KIF13A: variants seen among roughly 807,000 people sequenced by gnomAD.
The protein encoded by KIF13A is kinesin-like protein KIF13A.
KIF13A carries 79 observed loss-of-function variants against 212.2 expected under a neutral mutation model. The ratio of observed to expected loss-of-function variants is 0.37; its 90% CI spans 0.31 to 0.45. The LOEUF (loss-of-function observed/expected upper bound fraction) is 0.45, where lower values mean the gene tolerates loss of function less well. Ranked by LOEUF, KIF13A falls within the 20% of genes least tolerant of loss-of-function variation. The pLI, the probability that KIF13A is intolerant of heterozygous loss-of-function variation, is 1.00. For synonymous variants in KIF13A, 789 were observed against 808.6 expected, an observed-to-expected ratio of 0.98 and a Z score of 0.41; for missense variants, 1,901 against 2,209.0, an observed-to-expected ratio of 0.86 and a Z score of 2.79.
At chr6:17,885,515 C>A (rs761805264) in intron 3 of KIF13A, among the ~76,000 whole-genome samples, 2 of 152,222 alleles carry the variant, frequency 1.3e-5, no homozygotes, top group Non-Finnish European at 2.9e-5. Flanking sequence ...GCATTTGCTG[C>A]ACATCTACAA....
At chr6:17,874,530 G>A (rs1770326895) in intron 3 of KIF13A, among the ~76,000 whole-genome samples, 1 of 152,014 alleles carries the variant, frequency 6.6e-6, no homozygotes, top group African/African-American at 2.4e-5. Context: ...CTGCCTCCCG[G>A]GCTCAAGTAA....
At position 17,780,806 on chromosome 6, in the gene KIF13A, G is replaced by C. The variant is rs61729950; in HGVS notation, c.3770C>G (p.Thr1257Arg). The C allele has an allele frequency of 6.3e-5, 102 of 1,613,962 alleles. No individual in the cohort carries two copies. The East Asian group carries it at 2.2e-3, about 34-fold the overall frequency. ...AGCAGCAGGGTGGCTGAGTTGAACT[G>C]TGGTTTTCACAATTAGGTAAATCCT... is the stretch of plus-strand genomic sequence containing the variant. ...NERIYLIVKT[T>R]VQLSHPAAME... The change falls in exon 31 of 39, where the codon ACA (threonine) becomes AGA (arginine). Residue 1257 changes from threonine (T) to arginine (R), a missense_variant. This residue lies in a region of KIF13A where 687 missense variants were observed against 759.1 expected (regional missense o/e 0.90). Transcript: ENST00000259711.
At chr6:17,797,165 G>C (rs1762110374) in intron 22 of KIF13A, among the ~76,000 whole-genome samples, 1 of 152,030 alleles carries the variant, frequency 6.6e-6, no homozygotes, top group African/African-American at 2.4e-5. Context: ...GAGTAGCTGG[G>C]ACTACAGGCA....
In KIF13A at chr6:17,771,269, C is replaced by T; in HGVS notation, c.4477-51G>A. The T allele has an allele frequency of 8.6e-7, 1 of 1,157,666 alleles. No individual in the cohort carries two copies. Among genetic ancestry groups the T allele is most frequent in the Non-Finnish European group, 1.3e-6 (1 of 780,000 alleles). The allele number at this position is 1,157,666 out of a possible 1,614,324, so 71.7% of individuals were successfully genotyped here. On this transcript the variant is annotated intron_variant, in intron 37 of 38. Coordinates refer to ENST00000259711, the MANE Select transcript of KIF13A (RefSeq NM_022113.6). This position sits in a 1 kb window ranked among gnomAD's most constrained non-coding sequence, Gnocchi z 5.4. The stretch of plus-strand genomic sequence containing the variant: ...CATCACACACAAAGACGACAACGGC[C>T]AAAATACATATTAAGTACATGCAAG...
intron 2 of KIF13A, among the ~76,000 whole-genome samples, chr6:17,908,256 A>T (rs1289610113): frequency 2.0e-5 from 3 of 152,172 alleles, no homozygotes; most frequent in African/African-American, 7.2e-5. Context: ...TGAATGAAGA[A>T]AAAAATGGCT....
chr6:17,836,052 T>A (rs571660139), intron 11 of KIF13A, among the ~76,000 whole-genome samples: 3 of 152,288 alleles, frequency 2.0e-5, no homozygotes, highest in Admixed American at 1.3e-4. Flanking sequence ...ATATTTCAAA[T>A]AAGACAGTGC....
downstream of KIF13A, chr6:17,760,577 CAA>C: frequency 5.7e-6 from 3 of 529,578 alleles, no homozygotes; most frequent in East Asian, 3.1e-5. Context: ...GTAGTAAGTG[CAA>C]AAAAAAATAC....
intron 2 of KIF13A, among the ~76,000 whole-genome samples, chr6:17,981,532 C>T (rs529661790): frequency 6.6e-6 from 1 of 151,302 alleles, no homozygotes; most frequent in African/African-American, 2.4e-5. Flanking sequence ...TCAAGCATTC[C>T]CCTGCCTCAG....
chr6:17,946,001 TA>T (rs1390424662), intron 2 of KIF13A, among the ~76,000 whole-genome samples: 1 of 151,988 alleles, frequency 6.6e-6, no homozygotes, highest in Non-Finnish European at 1.5e-5. Context: ...TCATACTGTT[TA>T]AAAAAATAAA....
rs528619944 is a variant in KIF13A at position 17,892,534 on chromosome 6, C to T, written c.159+5634G>A. On this transcript the variant is annotated intron_variant, in intron 3 of 38. Transcript: ENST00000259711. This position sits in a 1 kb window ranked among gnomAD's most constrained non-coding sequence, Gnocchi z 4.7. ...TGTCTTTTGTATGCTAATGAGATGA[C>T]TGGTGGCTGGGGTCCCCAGGTGGCT... 1.2e-4 allele frequency among the ~76,000 whole-genome samples: 19 copies of T among 152,298 alleles called. 1 individual carries two copies. The South Asian group carries it at 3.7e-3, about 30-fold the overall frequency.
intron 16 of KIF13A, among the ~76,000 whole-genome samples, chr6:17,819,979 C>T (rs545755948): frequency 6.6e-6 from 1 of 151,950 alleles, no homozygotes; most frequent in African/African-American, 2.4e-5. Flanking sequence ...GAAAACACAC[C>T]GTTTTATAAA....
chr6:17,864,857 G>C (rs1202777201), intron 4 of KIF13A, among the ~76,000 whole-genome samples: 4 of 152,148 alleles, frequency 2.6e-5, no homozygotes, highest in Non-Finnish European at 5.9e-5. Context: ...TCCCTACTTA[G>C]AACAGCAGCA....
intron 18 of KIF13A, among the ~76,000 whole-genome samples, chr6:17,807,361 G>A (rs1056045106): frequency 1.3e-5 from 2 of 152,008 alleles, no homozygotes; most frequent in Non-Finnish European, 2.9e-5. Context: ...ATGCATTGTG[G>A]GGGGAGGTCT....
rs757240864 is a variant in KIF13A, at chr6:17,987,186, G to A, written c.56-42C>T. 54 of 1,489,562 alleles carry A rather than the reference G, an allele frequency of 3.6e-5. No homozygotes were observed. The highest frequency in any genetic ancestry group is 4.6e-5 in the Non-Finnish European group (50 of 1,085,744). 92.3% of individuals were successfully genotyped at this position (1,489,562 alleles called of 1,614,324 possible). ...AGGGACGTTGCAAAGTCCAGCATCCGCGCCTCCAGCCCGCCCGCCCGCCAG... is the reference window on the plus strand; with the variant it reads ...AGGGACGTTGCAAAGTCCAGCATCCACGCCTCCAGCCCGCCCGCCCGCCAG... On this transcript the variant is annotated intron_variant, in intron 1 of 38. Transcript: ENST00000259711. The surrounding 1 kb of genome is among the most constrained non-coding windows in gnomAD (Gnocchi z 7.7).
At position 17,972,859 on chromosome 6, in the gene KIF13A, G is replaced by A. The variant is rs541539379; in HGVS notation, c.146+14195C>T. On this transcript the variant is annotated intron_variant, in intron 2 of 38. Transcript: ENST00000259711. Reference sequence around the variant, plus strand: ...AAAAAAAAAAAAAAAAAAAAACAAGGCTCCAAACTTTTTCCCCTAAGGGAA... The same window carrying A: ...AAAAAAAAAAAAAAAAAAAAACAAGACTCCAAACTTTTTCCCCTAAGGGAA... Among the ~76,000 whole-genome samples, 829 of 147,734 alleles carry A rather than the reference G, an allele frequency of 5.6e-3. 5 individuals are homozygous for A. The highest frequency in any genetic ancestry group is 0.019 in the African/African-American group (777 of 40,104).
chr6:17,764,950 T>C lies in KIF13A; in HGVS notation c.4582-4A>G, dbSNP rs769362133. 2.1e-5 allele frequency: 34 copies of C among 1,590,470 alleles called. No individual in the cohort carries two copies. Among genetic ancestry groups the C allele is most frequent in the African/African-American group, 5.4e-5 (4 of 74,202 alleles). Reference sequence around the variant, plus strand: ...CATTTTCTTCCTCCTCAGAGTCCTATAGAAGTGAAGCAAAAGTCAGTCATT... The same window carrying C: ...CATTTTCTTCCTCCTCAGAGTCCTACAGAAGTGAAGCAAAAGTCAGTCATT... On this transcript the variant is annotated splice_region_variant and splice_polypyrimidine_tract_variant and intron_variant, in intron 38 of 38. Coordinates refer to ENST00000259711, the MANE Select transcript of KIF13A (RefSeq NM_022113.6). This position sits in a 1 kb window ranked among gnomAD's most constrained non-coding sequence, Gnocchi z 5.1.
In KIF13A at chr6:17,796,661, G is replaced by A; in HGVS notation, c.2942+8C>T. On this transcript the variant is annotated splice_region_variant and intron_variant, in intron 23 of 38. Coordinates refer to ENST00000259711, the MANE Select transcript of KIF13A (RefSeq NM_022113.6). Reference sequence around the variant, plus strand: ...CCTTGTACCTAAAGCTCACAGCCAAGTACAAACCTGTCATGCAGTGTTCTT... The same window carrying A: ...CCTTGTACCTAAAGCTCACAGCCAAATACAAACCTGTCATGCAGTGTTCTT... The A allele has an allele frequency of 1.3e-6, 2 of 1,493,206 alleles. No individual in the cohort carries two copies. The highest frequency in any genetic ancestry group is 1.8e-6 in the Non-Finnish European group (2 of 1,112,894). The allele number at this position is 1,493,206 out of a possible 1,614,324, so 92.5% of individuals were successfully genotyped here. A position where few individuals can be genotyped will look rare whatever the true frequency, so the allele number is the denominator to read the frequency against.
In KIF13A at chr6:17,839,252, C is replaced by CA. The variant is rs1195286760; in HGVS notation, c.831-1670dup. 5.3e-5 allele frequency among the ~76,000 whole-genome samples: 8 copies of CA among 152,200 alleles called. No individual in the cohort carries two copies. Among genetic ancestry groups the CA allele is most frequent in the African/African-American group, 1.4e-4 (6 of 41,452 alleles). ...CACTTGTACCCCATACATTTATCCA[C>CA]AAAAATGTACATCATACTTGACAGA... On this transcript the variant is annotated intron_variant, in intron 9 of 38. Coordinates refer to ENST00000259711, the MANE Select transcript of KIF13A (RefSeq NM_022113.6). This position sits in a 1 kb window ranked among gnomAD's most constrained non-coding sequence, Gnocchi z 4.3.
chr6:17,781,954 T>C (rs1760627741), intron 29 of KIF13A, among the ~76,000 whole-genome samples: 1 of 151,930 alleles, frequency 6.6e-6, no homozygotes, highest in Non-Finnish European at 1.5e-5. Context: ...TTGTTTTTAT[T>C]GAGATGGAGT....
Sources: allele counts gnomAD v4.1 joint callset (sites outside exome capture counted in the v4.1 genomes callset), GRCh38; gene constraint gnomAD v4.1.1; regional missense constraint gnomAD v4.1.1; non-coding constraint Gnocchi (gnomAD v3.1); transcripts MANE v1.5; gene names NCBI Gene and HGNC (gene_info 2026-07-23, HGNC 2026-07-21).